Variants in COL14A1 observed in about 807,000 individuals in gnomAD.
The protein encoded by COL14A1 is collagen type XIV alpha 1 chain.
Under a neutral mutation model 230.3 loss-of-function variants are expected in COL14A1, and 136 were observed. That is an observed-to-expected ratio of 0.59 (90% CI 0.51 to 0.68). The LOEUF is 0.68. COL14A1 is among the 30% of genes least tolerant of loss of function. COL14A1 has a pLI of 0.00. For synonymous variants in COL14A1, 792 were observed against 784.1 expected, an observed-to-expected ratio of 1.01 and a Z score of -0.17; for missense variants, 1,976 against 2,215.8, an observed-to-expected ratio of 0.89 and a Z score of 2.17.
At chr8:120,218,966 G>C (rs961633804) in intron 14 of COL14A1, among the ~76,000 whole-genome samples, 1 of 151,862 alleles carries the variant, frequency 6.6e-6, no homozygotes, top group Non-Finnish European at 1.5e-5. Context: ...GTTCATTGTA[G>C]AGCATCCTCC....
chr8:120,315,912 A>G (rs1395087821), intron 39 of COL14A1, 32 bp from the exon 40 acceptor site: 2 of 1,611,548 alleles, frequency 1.2e-6, no homozygotes, highest in Non-Finnish European at 1.7e-6. Context: ...ATTCCTGTGA[A>G]CCTGACTCTT....
intron 17 of COL14A1, 121 bp from the exon 18 acceptor site, chr8:120,228,589 C>T (rs1380944496): frequency 5.6e-6 from 4 of 713,686 alleles, no homozygotes; most frequent in Non-Finnish European, 9.9e-6. Context: ...TAACCATTGT[C>T]ATGTTTGTTG....
intron 1 of COL14A1, among the ~76,000 whole-genome samples, chr8:120,139,392 A>G (rs1051678683): frequency 6.6e-6 from 1 of 152,182 alleles, no homozygotes; most frequent in Non-Finnish European, 1.5e-5. Flanking sequence ...AAACCTGTAT[A>G]GAGCTATCAT....
intron 45 of COL14A1, among the ~76,000 whole-genome samples, chr8:120,357,795 C>A (rs1388450521): frequency 6.6e-6 from 1 of 152,130 alleles, no homozygotes; most frequent in African/African-American, 2.4e-5. Context: ...CTCCTGTATT[C>A]TTTTAAATCA....
intron 9 of COL14A1, among the ~76,000 whole-genome samples, chr8:120,206,452 T>C (rs939393791): frequency 6.6e-6 from 1 of 152,146 alleles, no homozygotes; most frequent in South Asian, 2.1e-4. Flanking sequence ...CCGGTTTAAG[T>C]GATTCTCCTG....
chr8:120,157,385 A>G (rs781575443), intron 2 of COL14A1, among the ~76,000 whole-genome samples: 1 of 152,214 alleles, frequency 6.6e-6, no homozygotes, highest in Non-Finnish European at 1.5e-5. Context: ...TTATCATATA[A>G]TCAAAAATAT....
chr8:120,340,948 ATT>A (rs1412348672), intron 42 of COL14A1, among the ~76,000 whole-genome samples: 2 of 152,204 alleles, frequency 1.3e-5, no homozygotes, highest in African/African-American at 4.8e-5. Context: ...TTCATCAGAG[ATT>A]TGTGAAATAA....
chr8:120,370,755 T>G, intron 47 of COL14A1: 1 of 1,382,440 alleles, frequency 7.2e-7, no homozygotes, highest in Non-Finnish European at 9.6e-7. Flanking sequence ...GGCATCTTTC[T>G]CCTTGACCAC....
intron 42 of COL14A1, among the ~76,000 whole-genome samples, chr8:120,334,583 A>C (rs147109657): frequency 2.8e-5 from 3 of 108,754 alleles, no homozygotes; most frequent in East Asian, 2.6e-4. Flanking sequence ...TTCACACACA[A>C]AAACACACAC....
chr8:120,227,335 C>G lies in COL14A1; in HGVS notation c.2120C>G (p.Thr707Ser), dbSNP rs2130806685. 6.2e-7 allele frequency: 1 copy of G among 1,613,728 alleles called. No individual in the cohort carries two copies. Among genetic ancestry groups the G allele is most frequent in the South Asian group, 1.1e-5 (1 of 91,044 alleles). ...GATGGAAGCGAGAGTGAGGTGGTGA[C>G]TGCTGTCGGGACCACACGTAAGTCT... ...LDDGSESEVV[T>S]AVGTTLDSFW... The change falls in exon 17 of 48, where the codon ACT (threonine) becomes AGT (serine). Residue 707 changes from threonine (T) to serine (S), a missense_variant. Physicochemically the swap from Thr to Ser is moderately conservative, Grantham distance 58. This residue lies in a region of COL14A1 where 1,791 missense variants were observed against 2,019.5 expected (regional missense o/e 0.89). Coordinates refer to ENST00000297848, the MANE Select transcript of COL14A1 (RefSeq NM_021110.4).
At chr8:120,148,990 G>C (rs1175057043) in intron 2 of COL14A1, among the ~76,000 whole-genome samples, 1 of 152,184 alleles carries the variant, frequency 6.6e-6, no homozygotes, top group East Asian at 1.9e-4. Context: ...TCATGCTACA[G>C]TGACAGAATT....
intron 45 of COL14A1, among the ~76,000 whole-genome samples, chr8:120,346,108 C>T (rs1822499413): frequency 6.6e-6 from 1 of 152,242 alleles, no homozygotes; most frequent in Admixed American, 6.5e-5. Context: ...AATTAAAATA[C>T]TGTCTGCGGC....
intron 5 of COL14A1, among the ~76,000 whole-genome samples, chr8:120,194,185 C>T (rs1816945940): frequency 1.3e-5 from 2 of 152,206 alleles, no homozygotes; most frequent in Non-Finnish European, 2.9e-5. Context: ...CCTATTCGGC[C>T]ATCTTGGCTG....
chr8:120,272,453 G>A (rs577460442), intron 26 of COL14A1, among the ~76,000 whole-genome samples: 2 of 151,620 alleles, frequency 1.3e-5, no homozygotes, highest in African/African-American at 2.4e-5. Context: ...CAATATTAAC[G>A]TTGAATGTAA....
chr8:120,183,828 A>G (rs890765157), intron 5 of COL14A1, among the ~76,000 whole-genome samples: 1 of 152,252 alleles, frequency 6.6e-6, no homozygotes, highest in Non-Finnish European at 1.5e-5. Flanking sequence ...AGGCTTGTCC[A>G]TATTTTCTTT....
chr8:120,323,246 C>T (rs755385108), intron 40 of COL14A1, among the ~76,000 whole-genome samples: 16 of 151,902 alleles, frequency 1.1e-4, no homozygotes, highest in Non-Finnish European at 2.2e-4. Context: ...ATATCCTTTG[C>T]CTACTTTTTA....
At chr8:120,209,548 G>A (rs1371413224) in intron 11 of COL14A1, among the ~76,000 whole-genome samples, 1 of 152,068 alleles carries the variant, frequency 6.6e-6, no homozygotes, top group Admixed American at 6.6e-5. Flanking sequence ...GTAGGGCAGG[G>A]TCACATTAGG....
chr8:120,278,057 T>C, intron 26 of COL14A1, 54 bp from the exon 27 acceptor site: 1 of 1,484,400 alleles, frequency 6.7e-7, no homozygotes, highest in South Asian at 1.6e-5. Flanking sequence ...TGTTGCTCTC[T>C]GACCCAGTGG....
In COL14A1 at chr8:120,287,064, A is replaced by G. The variant is rs922746136; in HGVS notation, c.4077+1094A>G. ...AACCAGGCCCTTACTGCCCTTTTAA[A>G]GTGAGAGAAGGGATGCTGCATAGCA... On this transcript the variant is annotated intron_variant, in intron 33 of 47. Transcript: ENST00000297848. Among the ~76,000 whole-genome samples, 39 of 152,116 alleles carry G rather than the reference A, an allele frequency of 2.6e-4. 2 individuals are homozygous for G. The highest frequency in any genetic ancestry group is 6.5e-5 in the Admixed American group (1 of 15,270).
Sources: gnomAD v4.1 joint callset for allele counts (sites outside exome capture counted in the v4.1 genomes callset) on GRCh38, gnomAD v4.1.1 for gene constraint, gnomAD v4.1.1 regional missense constraint, MANE v1.5 for transcripts, NCBI Gene and HGNC (gene_info 2026-07-23, HGNC 2026-07-21) for gene names.